Variants in DHX16 observed in about 807,000 individuals in gnomAD.
DHX16 encodes DEAH-box helicase 16.
Under a neutral mutation model 131.2 loss-of-function variants are expected in DHX16, and 81 were observed. That is an observed-to-expected ratio of 0.62 (90% CI 0.52 to 0.74). DHX16 has a LOEUF of 0.74. Among genes scored for constraint, DHX16 ranks in the 30% least tolerant of loss-of-function variants. DHX16 has a pLI of 0.00. For synonymous variants in DHX16, 440 were observed against 520.2 expected (o/e 0.85, Z 2.10); for missense variants, 980 against 1,363.1 (o/e 0.72, Z 4.43).
At chr6:30,669,874 C>T (rs1257893697) in intron 4 of DHX16, among the ~76,000 whole-genome samples, 1 of 151,336 alleles carries the variant, frequency 6.6e-6, no homozygotes, top group African/African-American at 2.4e-5. Flanking sequence ...CCTAGTTTCA[C>T]ACCATAAAAA....
intron 1 of DHX16, 23 bp from the exon 2 acceptor site, chr6:30,671,297 G>A (rs760608257): frequency 1.2e-6 from 2 of 1,607,062 alleles, no homozygotes; most frequent in Non-Finnish European, 1.7e-6. Flanking sequence ...GGGAAGATAA[G>A]GAGGTCTGAG....
At chr6:30,661,781 G>C (rs1258318589) in intron 9 of DHX16, 1 of 717,670 alleles carries the variant, frequency 1.4e-6, no homozygotes, top group Non-Finnish European at 2.6e-6. Context: ...GAAGTCCCCA[G>C]CCATTCCACA....
intron 7 of DHX16, 25 bp from the exon 8 acceptor site, chr6:30,663,046 A>T (rs1002139034): frequency 3.2e-6 from 5 of 1,580,914 alleles, no homozygotes; most frequent in Non-Finnish European, 4.3e-6. Flanking sequence ...AAAAAGAAGA[A>T]GTTTGCCCTT....
In DHX16 at chr6:30,655,234, A is replaced by G; in HGVS notation, c.2764T>C (p.Leu922=). The change falls in exon 18 of 20, where the codon TTG becomes CTG. Residue 922 remains leucine, a synonymous_variant. Transcript: ENST00000376442. ...CTGAGACCAACTTCCACACGTTCCA[A>G]GAGCCCTTCCAGCTGTTCCCGCACA... The part of the protein sequence containing the change: ...RDVREQLEGL[L]ERVEVGLSSC... The G allele has an allele frequency of 6.2e-7, 1 of 1,614,204 alleles. No homozygotes were observed. The highest frequency in any genetic ancestry group is 8.5e-7 in the Non-Finnish European group (1 of 1,180,038).
chr6:30,660,909 A>G (rs1306638347), intron 9 of DHX16, among the ~76,000 whole-genome samples: 3 of 147,374 alleles, frequency 2.0e-5, no homozygotes, highest in Non-Finnish European at 4.5e-5. Context: ...AAGTGGAAGG[A>G]TTTTTTTTTT....
chr6:30,655,679 G>A (rs1767919392), intron 16 of DHX16, 82 bp from the exon 17 acceptor site: 1 of 1,495,232 alleles, frequency 6.7e-7, no homozygotes, highest in East Asian at 2.3e-5. Context: ...ATCACTGTGT[G>A]ATGGATGTTT....
At chr6:30,667,297 T>C (rs1769131701) in intron 4 of DHX16, among the ~76,000 whole-genome samples, 1 of 152,056 alleles carries the variant, frequency 6.6e-6, no homozygotes, top group Non-Finnish European at 1.5e-5. Context: ...AAAATCACCA[T>C]TTCGGCCGGG....
rs199775700 is a variant in DHX16, at chr6:30,665,681, C to T, written c.719G>A (p.Arg240Gln). 8 of 1,612,450 alleles carry T rather than the reference C, an allele frequency of 5.0e-6. No homozygotes were observed. The highest frequency in any genetic ancestry group is 2.2e-5 in the East Asian group (1 of 44,894). The part of the protein sequence containing the change: ...SRREYLAKRE[R>Q]EKLEDLEAEL... ...CGCCTCCAGGTCCTCAAGCTTCTCT[C>T]GCTCCCGCTTAGCCAGGTACTCTCG... The change falls in exon 5 of 20, where the codon CGA (arginine) becomes CAA (glutamine). Residue 240 changes from arginine to glutamine, a missense_variant. By Grantham distance (43) the Arg-to-Gln change is conservative. Around this residue, in one of 3 missense-constraint regions of DHX16, gnomAD observed 457 missense variants for 554.8 expected, o/e 0.82. Coordinates refer to ENST00000376442, the MANE Select transcript of DHX16 (RefSeq NM_003587.5). This position sits in a 1 kb window ranked among gnomAD's most constrained non-coding sequence, Gnocchi z 4.8.
intron 19 of DHX16, 49 bp downstream of exon 19, chr6:30,654,657 A>G: frequency 6.5e-7 from 1 of 1,532,092 alleles, no homozygotes. Flanking sequence ...CCAGGACACC[A>G]TCTCTCTACA....
intron 4 of DHX16, among the ~76,000 whole-genome samples, chr6:30,666,522 G>T (rs1769056897): frequency 2.6e-5 from 4 of 152,160 alleles, no homozygotes; most frequent in Admixed American, 1.3e-4. Context: ...CCCCTCTGGT[G>T]GCTGGGTGGG....
chr6:30,672,758 CT>C lies in DHX16; in HGVS notation c.83del (p.Gln28ArgfsTer3). ...AGCGCTGTGCGGTACCGATCAGAAA[CT>C]GGGCGACGTGCCGCTCGCTCAGCCC... ...VLGLSERHVA[Q>X]FLIGTAQRCT... is the part of the protein sequence containing the mutation. On this transcript the variant is annotated frameshift_variant, in exon 1 of 20. Transcript: ENST00000376442. LOFTEE classifies it high-confidence loss of function. 3 of 1,613,108 alleles carry C rather than the reference CT, an allele frequency of 1.9e-6. No individual in the cohort carries two copies. The highest frequency in any genetic ancestry group is 2.5e-6 in the Non-Finnish European group (3 of 1,180,044).
chr6:30,655,736 G>A, intron 16 of DHX16, 139 bp from the exon 17 acceptor site: 1 of 935,960 alleles, frequency 1.1e-6, no homozygotes, highest in Non-Finnish European at 1.6e-6. Flanking sequence ...AAAGCAGCCA[G>A]CAGATAGATT....
chr6:30,659,939 CTTCCA>C (rs1768341705), intron 10 of DHX16, 88 bp downstream of exon 10: 4 of 1,553,460 alleles, frequency 2.6e-6, no homozygotes, highest in Non-Finnish European at 3.5e-6. Flanking sequence ...CCCTTTGAAC[CTTCCA>C]TTCCATCTTT....
rs1769473554 is a variant in DHX16 at position 30,670,893 on chromosome 6, C to T, written c.506G>A (p.Arg169His). The T allele has an allele frequency of 3.1e-6, 5 of 1,612,956 alleles. No homozygotes were observed. Among genetic ancestry groups the T allele is most frequent in the Non-Finnish European group, 4.2e-6 (5 of 1,180,046 alleles). The change falls in exon 3 of 20, where the codon CGT (arginine) becomes CAT (histidine). Residue 169 changes from arginine to histidine, a missense_variant. This residue lies in a region of DHX16 where 457 missense variants were observed against 554.8 expected (regional missense o/e 0.82). Transcript: ENST00000376442. This position sits in a 1 kb window ranked among gnomAD's most constrained non-coding sequence, Gnocchi z 4.4. ...ESEDEWERTE[R>H]ERLQDLEERD... ...CTCCTCCAGGTCCTGAAGGCGTTCA[C>T]GCTCTGTCCGTTCCCACTCATCTTC...
chr6:30,666,354 A>C (rs900024738), intron 4 of DHX16, among the ~76,000 whole-genome samples: 1 of 152,236 alleles, frequency 6.6e-6, no homozygotes, highest in East Asian at 1.9e-4. Context: ...TGTCTCACTT[A>C]GTTTCTACAC....
chr6:30,672,371 C>G (rs1365051160), intron 1 of DHX16, among the ~76,000 whole-genome samples: 1 of 151,678 alleles, frequency 6.6e-6, no homozygotes, highest in Non-Finnish European at 1.5e-5. Flanking sequence ...AAGATCCCTA[C>G]TGAATCGCAA....
At position 30,672,674 on chromosome 6, in the gene DHX16, A is replaced by G. The variant is rs774293053; in HGVS notation, c.168T>C (p.Ser56=). 2.5e-6 allele frequency: 4 copies of G among 1,612,742 alleles called. No individual in the cohort carries two copies. Among genetic ancestry groups the G allele is most frequent in the Non-Finnish European group, 2.5e-6 (3 of 1,179,832 alleles). Residue 56 remains serine, a synonymous_variant, in exon 1 of 20, where the codon AGT becomes AGC. Coordinates refer to ENST00000376442, the MANE Select transcript of DHX16 (RefSeq NM_003587.5). The part of the protein sequence containing the change: ...RLRDTDTLDL[S]GPARDFALRL... ...TCAGGGCGAAGTCCCGGGCCGGCCC[A>G]CTGAGATCCAAGGTATCAGTGTCTC...
rs369115485 is a variant in DHX16 at position 30,660,068 on chromosome 6, G to C, written c.1719C>G (p.Pro573=). 5.0e-6 allele frequency: 8 copies of C among 1,612,700 alleles called. No homozygotes were observed. In the Admixed American group the frequency reaches 1.2e-4, roughly 24 times the overall value. Residue 573 remains proline, a synonymous_variant, in exon 10 of 20, where the codon CCC becomes CCG. Coordinates refer to ENST00000376442, the MANE Select transcript of DHX16 (RefSeq NM_003587.5). Reference sequence around the variant, plus strand: ...AGATGTCCACAGGAAACCTGCGTCCGGGGATTCGAAACACAGGGGCGTCAT... The same window carrying C: ...AGATGTCCACAGGAAACCTGCGTCCCGGGATTCGAAACACAGGGGCGTCAT... ...FFDDAPVFRI[P]GRRFPVDIFY...
Position 30,665,465 on chromosome 6 carries a change from C to G in DHX16, c.921+14G>C. ...TTGGGGACCAAGGCTGAAGCAGACG[C>G]CGCTTCACCTCACCTGTCCTCGGGT... is the stretch of plus-strand genomic sequence containing the variant. On this transcript the variant is annotated intron_variant, in intron 5 of 19. Coordinates refer to ENST00000376442, the MANE Select transcript of DHX16 (RefSeq NM_003587.5). This position sits in a 1 kb window ranked among gnomAD's most constrained non-coding sequence, Gnocchi z 4.8. 1 of 1,608,782 alleles carries G rather than the reference C, an allele frequency of 6.2e-7. No individual in the cohort carries two copies. Among genetic ancestry groups the G allele is most frequent in the Non-Finnish European group, 8.5e-7 (1 of 1,176,998 alleles).
Sources: allele counts gnomAD v4.1 joint callset (sites outside exome capture counted in the v4.1 genomes callset), GRCh38; gene constraint gnomAD v4.1.1; regional missense constraint gnomAD v4.1.1; non-coding constraint Gnocchi (gnomAD v3.1); transcripts MANE v1.5; gene names NCBI Gene and HGNC (gene_info 2026-07-23, HGNC 2026-07-21).